The following ADGRL2 variants were observed in gnomAD, a reference collection of about 807,000 sequenced individuals.
ADGRL2 encodes the protein calcium-independent alpha-latrotoxin receptor 2.
In ADGRL2, 44 loss-of-function variants were observed where a neutral mutation model predicts 157.4. The observed-to-expected ratio is 0.28, with a 90% CI of 0.22 to 0.36. The LOEUF is 0.36. Ranked by LOEUF, ADGRL2 falls within the 10% of genes least tolerant of loss-of-function variation. The pLI is 1.00. For missense variants in ADGRL2, 1,510 were observed against 1,768.9 expected (o/e 0.85, Z 2.63); for synonymous variants, 585 against 624.7 (o/e 0.94, Z 0.95).
rs554505482 is a variant in ADGRL2, at chr1:81,965,734, C to T, written c.2018-324C>T. On this transcript the variant is annotated intron_variant, in intron 11 of 23. Transcript: ENST00000686636. Reference sequence around the variant, plus strand: ...TTAGCTTCATGATTTAAATATAAAACCTTGAAAGTTATGTACTATTAATTC... The same window carrying T: ...TTAGCTTCATGATTTAAATATAAAATCTTGAAAGTTATGTACTATTAATTC... Among the ~76,000 whole-genome samples, 4 of 152,180 alleles carry T rather than the reference C, an allele frequency of 2.6e-5. No individual in the cohort carries two copies. The East Asian group carries it at 7.7e-4, about 29-fold the overall frequency.
intron 3 of ADGRL2, among the ~76,000 whole-genome samples, chr1:81,604,349 G>A (rs746440762): frequency 1.2e-4 from 19 of 152,070 alleles, no homozygotes; most frequent in African/African-American, 3.9e-4. Flanking sequence ...CCTCATCCTC[G>A]TTTCCCCATG....
chr1:81,739,406 G>A (rs993832130), intron 1 of ADGRL2, among the ~76,000 whole-genome samples: 2 of 152,288 alleles, frequency 1.3e-5, no homozygotes, highest in South Asian at 4.1e-4. Context: ...AATTATTCAT[G>A]GTTTGACAGA....
intron 1 of ADGRL2, among the ~76,000 whole-genome samples, chr1:81,803,223 C>T (rs1444833846): frequency 6.6e-6 from 1 of 152,038 alleles, no homozygotes; most frequent in African/African-American, 2.4e-5. Flanking sequence ...CGAGCGTGGG[C>T]TCCTTGATTG....
intron 3 of ADGRL2, among the ~76,000 whole-genome samples, chr1:81,653,736 T>C (rs563807557): frequency 3.3e-5 from 5 of 152,198 alleles, no homozygotes; most frequent in Non-Finnish European, 7.3e-5. Flanking sequence ...GCTTGAAATA[T>C]TTAATCAATA....
chr1:81,585,638 C>G (rs1358371321), intron 3 of ADGRL2, among the ~76,000 whole-genome samples: 1 of 152,054 alleles, frequency 6.6e-6, no homozygotes, highest in East Asian at 1.9e-4. Flanking sequence ...TAAGTCTTGA[C>G]CAGTAGCTGA....
intron 2 of ADGRL2, among the ~76,000 whole-genome samples, chr1:81,556,913 T>G (rs148768995): frequency 1.3e-5 from 2 of 148,766 alleles, no homozygotes; most frequent in African/African-American, 5.0e-5. Flanking sequence ...CCATCTCTAC[T>G]AAAAATACAC....
chr1:81,356,952 C>CAAAAAAAAAAAAAA (rs757239865), intron 1 of ADGRL2, among the ~76,000 whole-genome samples: 53 of 55,656 alleles, frequency 9.5e-4, no homozygotes, highest in African/African-American at 3.5e-3. Context: ...GACTCCGTCT[C>CAAAAAAAAAAAAAA]AAAAAAAAAA....
intron 3 of ADGRL2, among the ~76,000 whole-genome samples, chr1:81,603,552 T>A (rs954491279): frequency 6.6e-6 from 1 of 152,230 alleles, no homozygotes; most frequent in Non-Finnish European, 1.5e-5. Context: ...AAGACAAATT[T>A]TAAAACTGCA....
rs2149275928 is a variant in ADGRL2, at chr1:81,966,088, G to C, written c.2048G>C (p.Gly683Ala). 1 of 1,613,910 alleles carries C rather than the reference G, an allele frequency of 6.2e-7. No individual in the cohort carries two copies. The highest frequency in any genetic ancestry group is 8.5e-7 in the Non-Finnish European group (1 of 1,179,950). ...GAAGTTGCCGTACTCAGTACAGAAG[G>C]ACAGATCCAAGACTTTAAATTTCCT... ...VLEVAVLSTE[G>A]QIQDFKFPLG... The change falls in exon 12 of 24, where the codon GGA becomes GCA. Residue 683 changes from glycine to alanine, a missense_variant. Transcript: ENST00000686636.
intron 2 of ADGRL2, among the ~76,000 whole-genome samples, chr1:81,494,789 C>G (rs2078699103): frequency 6.6e-6 from 1 of 152,054 alleles, no homozygotes; most frequent in Admixed American, 6.6e-5. Context: ...ATCAGTTCCC[C>G]TTTTTGGAAA....
rs1371845473 is a variant in ADGRL2, at chr1:81,721,856, G to A, written c.-143+22048G>A. On this transcript the variant is annotated intron_variant, in intron 1 of 20. Transcript: ENST00000359929. ...AGCTAAATCTGAAGAAAATACCAAG[G>A]GGAAAAAAAAAACCTGATAGTAAGA... 8.4e-6 allele frequency: 7 copies of A among 828,698 alleles called. No individual in the cohort carries two copies. In the African/African-American group the frequency reaches 1.0e-4, roughly 12 times the overall value. 51.3% of individuals were successfully genotyped at this position (828,698 alleles called of 1,614,324 possible). A position where few individuals can be genotyped will look rare whatever the true frequency, so the allele number is the denominator to read the frequency against.
intron 2 of ADGRL2, among the ~76,000 whole-genome samples, chr1:81,872,521 C>T (rs981283225): frequency 6.6e-6 from 1 of 152,050 alleles, no homozygotes; most frequent in African/African-American, 2.4e-5. Flanking sequence ...CCTCATTTCT[C>T]ATTGATTTTA....
chr1:81,585,962 C>T (rs796857697), intron 3 of ADGRL2: 58 of 151,956 alleles, frequency 3.8e-4, no homozygotes, highest in African/African-American at 1.4e-3. Context: ...TTTTAATTAT[C>T]TCATTCATAA....
intron 2 of ADGRL2, among the ~76,000 whole-genome samples, chr1:81,575,518 A>G (rs1371367918): frequency 6.6e-6 from 1 of 152,150 alleles, no homozygotes; most frequent in Non-Finnish European, 1.5e-5. Context: ...TTACATTTCC[A>G]TTAGAATTAG....
intron 3 of ADGRL2, among the ~76,000 whole-genome samples, chr1:81,669,786 CA>C (rs932895298): frequency 2.4e-4 from 36 of 151,678 alleles, no homozygotes; most frequent in East Asian, 1.2e-3. Context: ...ACTAAAAATA[CA>C]AAAAAATTAG....
chr1:81,474,613 C>G (rs1296074911), intron 2 of ADGRL2, among the ~76,000 whole-genome samples: 6 of 152,090 alleles, frequency 3.9e-5, no homozygotes, highest in Non-Finnish European at 8.8e-5. Context: ...CAAATGCAGT[C>G]CATTTTAGAA....
chr1:81,783,734 C>G (rs151265403), intron 2 of ADGRL2, among the ~76,000 whole-genome samples: 1 of 152,174 alleles, frequency 6.6e-6, no homozygotes, highest in African/African-American at 2.4e-5. Flanking sequence ...TATAATACAA[C>G]ACAGGAAGTA....
intron 2 of ADGRL2, among the ~76,000 whole-genome samples, chr1:81,875,312 C>CT (rs2093809643): frequency 6.6e-6 from 1 of 152,108 alleles, no homozygotes; most frequent in African/African-American, 2.4e-5. Context: ...GGATTGAAAA[C>CT]TGAGTGGCTG....
At chr1:81,428,070 G>A (rs1187745514) in intron 1 of ADGRL2, among the ~76,000 whole-genome samples, 1 of 152,138 alleles carries the variant, frequency 6.6e-6, no homozygotes, top group Admixed American at 6.5e-5. Flanking sequence ...TTCCTTGTGA[G>A]TTAACAAGAT....
Sources: allele counts gnomAD v4.1 joint callset (sites outside exome capture counted in the v4.1 genomes callset), GRCh38; gene constraint gnomAD v4.1.1; transcripts MANE v1.5; gene names NCBI Gene and HGNC (gene_info 2026-07-23, HGNC 2026-07-21).